Variants in TUT7 observed in about 807,000 individuals in gnomAD.
The protein encoded by TUT7 is terminal uridylyltransferase 7.
Under a neutral mutation model 165.9 loss-of-function variants are expected in TUT7, and 33 were observed. That is an observed-to-expected ratio of 0.20 (90% confidence interval 0.15 to 0.27). The LOEUF (loss-of-function observed/expected upper bound fraction) is 0.27. Ranked by LOEUF, TUT7 falls within the 10% of genes least tolerant of loss-of-function variation. The pLI is 1.00. For missense variants in TUT7, 1,338 were observed against 1,762.3 expected (o/e 0.76, Z 4.31); for synonymous variants, 552 against 608.1 (o/e 0.91, Z 1.36).
At chr9:86,337,255 A>T in intron 10 of TUT7, 164 bp downstream of exon 10, 1 of 772,458 alleles carries the variant, frequency 1.3e-6, no homozygotes, top group Non-Finnish European at 2.0e-6. Flanking sequence ...GAAATCAAAC[A>T]CATTAGTATT....
In TUT7 at chr9:86,337,447, G is replaced by T; in HGVS notation, c.1427C>A (p.Pro476His). ...TGATCCTAGATATACAGGCAAAAGG[G>T]GTTCTTTCCTCTGCTGAAGAAAGAA... Reference protein sequence around the residue: ...AIFFLQQRKEPLLPVYLGSWI... With the variant: ...AIFFLQQRKEHLLPVYLGSWI... The change falls in exon 10 of 27, where the codon CCC becomes CAC. Residue 476 changes from proline to histidine, a missense_variant. Physicochemically the swap from Pro to His is moderately conservative, Grantham distance 77. Coordinates refer to ENST00000375963, the MANE Select transcript of TUT7 (RefSeq NM_024617.4). 1.2e-6 allele frequency: 2 copies of T among 1,613,704 alleles called. No individual in the cohort carries two copies. Among genetic ancestry groups the T allele is most frequent in the Middle Eastern group, 1.7e-4 (1 of 6,060 alleles).
intron 9 of TUT7, among the ~76,000 whole-genome samples, chr9:86,338,577 T>C (rs1403027507): frequency 6.6e-6 from 1 of 152,198 alleles, no homozygotes; most frequent in Non-Finnish European, 1.5e-5. Flanking sequence ...TCCTCTGAGA[T>C]TTAACTCACA....
intron 10 of TUT7, among the ~76,000 whole-genome samples, chr9:86,330,008 GCC>G (rs1830166710): frequency 6.6e-6 from 1 of 152,022 alleles, no homozygotes; most frequent in Non-Finnish European, 1.5e-5. Flanking sequence ...TTAGTCTCTT[GCC>G]CCAATTGGAT....
intron 26 of TUT7, among the ~76,000 whole-genome samples, chr9:86,289,880 G>T (rs1361226314): frequency 6.6e-6 from 1 of 151,948 alleles, no homozygotes; most frequent in Non-Finnish European, 1.5e-5. Flanking sequence ...ACAATGCAAA[G>T]AACTTAAAAT....
intron 19 of TUT7, 111 bp downstream of exon 19, chr9:86,309,817 C>A: frequency 8.9e-7 from 1 of 1,124,460 alleles, no homozygotes; most frequent in Admixed American, 2.5e-5. Context: ...CAAATAGCTA[C>A]ATGAAGCATT....
intron 3 of TUT7, 82 bp from the exon 4 acceptor site, chr9:86,345,867 T>C (rs912267493): frequency 6.8e-6 from 7 of 1,022,168 alleles, no homozygotes; most frequent in Admixed American, 4.0e-5. Flanking sequence ...AGGAAATGAT[T>C]TCCCCTTCAA....
chr9:86,293,217 ACTGAGGAGGATCAT>A (rs1170798803), intron 26 of TUT7, among the ~76,000 whole-genome samples: 3 of 152,162 alleles, frequency 2.0e-5, no homozygotes, highest in African/African-American at 7.2e-5. Context: ...ACTTCTGGAA[ACTGAGGAGGATCAT>A]CTGAGCCCAA....
chr9:86,325,407 C>A lies in TUT7; in HGVS notation c.1716G>T (p.Val572=). The A allele has an allele frequency of 6.2e-7, 1 of 1,614,120 alleles. No individual in the cohort carries two copies. The highest frequency in any genetic ancestry group is 8.5e-7 in the Non-Finnish European group (1 of 1,180,014). ...YALEFNLADL[V]ISIRVKELVS... ...CCAATTCTTTGACACGAATACTTAT[C>A]ACTAAATCAGCCAAATTAAATTCTA... is the stretch of plus-strand genomic sequence containing the variant. The change falls in exon 12 of 27, where the codon GTG becomes GTT. Residue 572 remains valine (V), a synonymous_variant. Coordinates refer to ENST00000375963, the MANE Select transcript of TUT7 (RefSeq NM_024617.4).
chr9:86,326,094 A>G (rs1032116979), intron 11 of TUT7, among the ~76,000 whole-genome samples: 3 of 152,234 alleles, frequency 2.0e-5, no homozygotes, highest in Admixed American at 6.5e-5. Context: ...GCGATGTAAT[A>G]TATTAGAAAG....
intron 5 of TUT7, among the ~76,000 whole-genome samples, chr9:86,344,309 TG>T (rs1368084187): frequency 5.3e-5 from 8 of 151,688 alleles, no homozygotes; most frequent in Non-Finnish European, 1.0e-4. Context: ...CAGTGGGGGT[TG>T]GGGGATGATG....
intron 26 of TUT7, among the ~76,000 whole-genome samples, chr9:86,295,342 C>A (rs1027646011): frequency 2.0e-5 from 3 of 152,114 alleles, no homozygotes; most frequent in East Asian, 1.9e-4. Flanking sequence ...TCAATATTTA[C>A]AGCCCCCCTC....
At chr9:86,295,604 CAAT>C (rs1438748036) in intron 26 of TUT7, among the ~76,000 whole-genome samples, 1 of 152,128 alleles carries the variant, frequency 6.6e-6, no homozygotes, top group African/African-American at 2.4e-5. Flanking sequence ...TATTCACTGA[CAAT>C]GAGCTCTCCC....
intron 19 of TUT7, 56 bp downstream of exon 19, chr9:86,309,872 A>G: frequency 6.8e-7 from 1 of 1,461,828 alleles, no homozygotes; most frequent in Non-Finnish European, 9.6e-7. Context: ...TGTTTTCAAC[A>G]GTGTTTAAAG....
chr9:86,303,016 A>G (rs1033297010), intron 25 of TUT7, 70 bp downstream of exon 25: 2 of 689,684 alleles, frequency 2.9e-6, no homozygotes, highest in African/African-American at 3.6e-5. Flanking sequence ...TTGTTATAAT[A>G]GTACCTCATT....
chr9:86,348,265 G>A (rs1033529243), intron 2 of TUT7, among the ~76,000 whole-genome samples: 1 of 152,146 alleles, frequency 6.6e-6, no homozygotes, highest in Non-Finnish European at 1.5e-5. Context: ...TCAGATAATG[G>A]CAGCTACCAT....
In TUT7 at chr9:86,322,950, ATACATTTTCTTCCTTGAGACT is replaced by A; in HGVS notation, c.2779_2799del (p.Ser927_Val933del). The A allele has an allele frequency of 9.3e-6, 15 of 1,613,100 alleles. No homozygotes were observed. Among genetic ancestry groups the A allele is most frequent in the Non-Finnish European group, 1.3e-5 (15 of 1,179,766 alleles). ...TCCACAGGTGAATTTTTTTCTTCAC[ATACATTTTCTTCCTTGAGACT>A]TATTTTATTAAGTTCCACTAGGAGA... On this transcript the variant is annotated inframe_deletion, in exon 13 of 27. Coordinates refer to ENST00000375963, the MANE Select transcript of TUT7 (RefSeq NM_024617.4).
At chr9:86,322,257 G>C in intron 14 of TUT7, 68 bp downstream of exon 14, 1 of 1,454,982 alleles carries the variant, frequency 6.9e-7, no homozygotes, top group Non-Finnish European at 9.5e-7. Flanking sequence ...ATAGGATAGT[G>C]ATTCTAAAGA....
Position 86,288,709 on chromosome 9 carries a change from CT to C in TUT7, c.4455del (p.Ala1486ProfsTer68). 6.2e-7 allele frequency: 1 copy of C among 1,613,836 alleles called. No individual in the cohort carries two copies. The highest frequency in any genetic ancestry group is 2.2e-5 in the East Asian group (1 of 44,842). ...SLSSKYMTQG[K>X]ASAKRTQQES ...TCCTGCTGGGTCCTCTTCGCTGAGG[CT>C]TTTCCCTGAGTCATATATTTACTGG... is the stretch of plus-strand genomic sequence containing the variant. On this transcript the variant is annotated frameshift_variant, in exon 27 of 27. Coordinates refer to ENST00000375963, the MANE Select transcript of TUT7 (RefSeq NM_024617.4). LOFTEE classifies it high-confidence loss of function.
At chr9:86,343,013 A>C in intron 6 of TUT7, 62 bp downstream of exon 6, 1 of 1,086,322 alleles carries the variant, frequency 9.2e-7, no homozygotes, top group Non-Finnish European at 1.4e-6. Flanking sequence ...TAGACAGTTT[A>C]CATTTGTAAG....
Sources: allele counts gnomAD v4.1 joint callset (sites outside exome capture counted in the v4.1 genomes callset), GRCh38; gene constraint gnomAD v4.1.1; transcripts MANE v1.5; gene names NCBI Gene and HGNC (gene_info 2026-07-23, HGNC 2026-07-21).